PLAC1: variants seen among roughly 807,000 people sequenced by gnomAD.
PLAC1 encodes placenta associated 1.
For synonymous variants in PLAC1, 68 were observed against 62.1 expected (o/e 1.09, Z -0.44); for missense variants, 136 against 163.2 (o/e 0.83, Z 0.91).
At chrX:134,580,283 G>GGT (rs1272424700) in intron 2 of PLAC1, among the ~76,000 whole-genome samples, 2 of 112,194 alleles carry the variant, frequency 1.8e-5, no homozygotes, top group African/African-American at 3.2e-5. Flanking sequence ...AAAGAAGAAA[G>GGT]GAAGGAAAAC....
At chrX:134,641,985 G>T (rs2078309874) in intron 1 of PLAC1, among the ~76,000 whole-genome samples, 1 of 112,190 alleles carries the variant, frequency 8.9e-6, no homozygotes, top group African/African-American at 3.2e-5. Flanking sequence ...GAGTGGAAGT[G>T]GGGGTGAGGT....
chrX:134,729,745 C>T (rs1417922606), intron 2 of PLAC1, among the ~76,000 whole-genome samples: 4 of 112,053 alleles, frequency 3.6e-5, no homozygotes, highest in African/African-American at 9.7e-5. Flanking sequence ...ATATTCTTTC[C>T]ATAGAGAAAG....
At chrX:134,584,037 T>C (rs1236948721) in intron 2 of PLAC1, among the ~76,000 whole-genome samples, 1 of 103,280 alleles carries the variant, frequency 9.7e-6, no homozygotes, top group Non-Finnish European at 2.0e-5. Context: ...AAAAAAGAGG[T>C]TGCAGGCAGG....
At chrX:134,613,687 T>C (rs1302602875) in intron 1 of PLAC1, among the ~76,000 whole-genome samples, 1 of 111,101 alleles carries the variant, frequency 9.0e-6, no homozygotes, top group Admixed American at 9.6e-5. Flanking sequence ...AGAAAGGTCT[T>C]TGTGTTACTC....
intron 1 of PLAC1, among the ~76,000 whole-genome samples, chrX:134,627,105 C>G (rs17000673): frequency 0.046 from 5,119 of 111,025 alleles, 307 homozygotes; most frequent in African/African-American, 0.16. Context: ...GTTCCCCTTC[C>G]CTCAAAATTA....
At chrX:134,575,096 C>G (rs952815637) in intron 2 of PLAC1, among the ~76,000 whole-genome samples, 1 of 111,031 alleles carries the variant, frequency 9.0e-6, no homozygotes, top group Non-Finnish European at 1.9e-5. Flanking sequence ...ACCCTTGGCT[C>G]CCTCTGGGCT....
intron 1 of PLAC1, among the ~76,000 whole-genome samples, chrX:134,603,954 A>G (rs2078110543): frequency 1.8e-5 from 2 of 112,828 alleles, no homozygotes; most frequent in Admixed American, 9.4e-5. Flanking sequence ...TAACTCATCA[A>G]ATTCAACTGT....
intron 1 of PLAC1, among the ~76,000 whole-genome samples, chrX:134,604,901 C>T (rs4567210): frequency 0.21 from 23,375 of 110,803 alleles, 2,074 homozygotes; most frequent in African/African-American, 0.3. Flanking sequence ...GAAGCCTCCT[C>T]GGGAAACATT....
At chrX:134,710,894 A>G (rs1366813491) in intron 2 of PLAC1, among the ~76,000 whole-genome samples, 1 of 111,558 alleles carries the variant, frequency 9.0e-6, no homozygotes, top group Non-Finnish European at 1.9e-5. Context: ...AGTGTTTGCT[A>G]TACTCTTCTC....
At chrX:134,624,935 T>C (rs907533289) in intron 1 of PLAC1, among the ~76,000 whole-genome samples, 4 of 110,968 alleles carry the variant, frequency 3.6e-5, no homozygotes, top group African/African-American at 1.3e-4. Flanking sequence ...GATAGATAGA[T>C]AGATAGATAG....
chrX:134,603,535 C>T (rs2078108674), intron 1 of PLAC1, among the ~76,000 whole-genome samples: 1 of 102,578 alleles, frequency 9.7e-6, no homozygotes, highest in Non-Finnish European at 2.0e-5. Flanking sequence ...GGGGTTTCAC[C>T]GTGTTAGCCA....
chrX:134,625,249 G>A (rs2078230541), intron 1 of PLAC1, among the ~76,000 whole-genome samples: 1 of 112,321 alleles, frequency 8.9e-6, no homozygotes. Context: ...GGCAGAGGGT[G>A]AGAGAAATGG....
At chrX:134,635,038 G>T (rs953205126) in intron 1 of PLAC1, among the ~76,000 whole-genome samples, 13 of 111,922 alleles carry the variant, frequency 1.2e-4, no homozygotes, top group Admixed American at 1.1e-3. Context: ...CTGTCCGATT[G>T]GTAGAGGATA....
chrX:134,674,593 C>T (rs1188348272), intron 2 of PLAC1, among the ~76,000 whole-genome samples: 2 of 112,403 alleles, frequency 1.8e-5, no homozygotes, highest in African/African-American at 3.2e-5. Context: ...GGTGCACAGA[C>T]GTAGGTAATT....
At chrX:134,618,055 G>C (rs1478613118) in intron 1 of PLAC1, among the ~76,000 whole-genome samples, 2 of 112,009 alleles carry the variant, frequency 1.8e-5, no homozygotes, top group African/African-American at 6.5e-5. Flanking sequence ...TGGAACTTTT[G>C]AGCTGATGTG....
intron 2 of PLAC1, among the ~76,000 whole-genome samples, chrX:134,598,345 T>C (rs1441601034): frequency 8.9e-6 from 1 of 112,267 alleles, no homozygotes; most frequent in Non-Finnish European, 1.9e-5. Context: ...TGTACTGCTC[T>C]TTAACTAACA....
intron 2 of PLAC1, among the ~76,000 whole-genome samples, chrX:134,708,913 G>A (rs992121723): frequency 1.8e-5 from 2 of 111,295 alleles, no homozygotes; most frequent in South Asian, 3.8e-4. Flanking sequence ...TATCAATGTC[G>A]AATTCTTAGT....
intron 1 of PLAC1, among the ~76,000 whole-genome samples, chrX:134,747,072 G>A (rs1429098780): frequency 8.9e-6 from 1 of 111,898 alleles, no homozygotes; most frequent in Non-Finnish European, 1.9e-5. Context: ...AAGCACAGAG[G>A]ACTTTAACCT....
chrX:134,605,234 T>A (rs1370106736), intron 1 of PLAC1, among the ~76,000 whole-genome samples: 2 of 111,394 alleles, frequency 1.8e-5, no homozygotes, highest in Non-Finnish European at 3.8e-5. Context: ...GAGGCCCCTG[T>A]AGTTGAGCCT....
Sources: gnomAD v4.1 joint callset for allele counts (sites outside exome capture counted in the v4.1 genomes callset) on GRCh38, gnomAD v4.1.1 for gene constraint, MANE v1.5 for transcripts, NCBI Gene and HGNC (gene_info 2026-07-23, HGNC 2026-07-21) for gene names.